The following DSCAM variants were observed in gnomAD, a reference collection of about 807,000 sequenced individuals.
DSCAM encodes the protein cell adhesion molecule DSCAM.
DSCAM carries 47 observed loss-of-function variants against 217.7 expected under a neutral mutation model. The ratio of observed to expected loss-of-function variants is 0.22; its 90% CI spans 0.17 to 0.28. The LOEUF is 0.28. Among genes scored for constraint, DSCAM ranks in the 10% least tolerant of loss-of-function variants. The pLI is 1.00. For synonymous variants in DSCAM, 1,056 were observed against 1,015.3 expected, an observed-to-expected ratio of 1.04 and a Z score of -0.76; for missense variants, 2,080 against 2,618.3, an observed-to-expected ratio of 0.79 and a Z score of 4.49.
rs1423326221 is a variant in DSCAM at position 40,011,175 on chromosome 21, G to A, written c.*1859C>T. On this transcript the variant is annotated 3_prime_UTR_variant, in exon 33 of 33. Coordinates refer to ENST00000400454, the MANE Select transcript of DSCAM (RefSeq NM_001389.5). ...AAAACAGTCTGAGAGTATGCAAACA[G>A]TACACGTCAACACGGATTACATTCT... is the stretch of plus-strand genomic sequence containing the variant. The A allele has an allele frequency of 6.6e-6, 1 of 152,036 alleles. No homozygotes were observed. The highest frequency in any genetic ancestry group is 1.5e-5 in the Non-Finnish European group (1 of 68,016). 9.4% of individuals were successfully genotyped at this position (152,036 alleles called of 1,614,324 possible).
intron 3 of DSCAM, among the ~76,000 whole-genome samples, chr21:40,559,687 C>T (rs1441370544): frequency 6.6e-6 from 1 of 151,776 alleles, no homozygotes; most frequent in Non-Finnish European, 1.5e-5. Context: ...TAGAAGTCAG[C>T]TTATTGCAAC....
intron 1 of DSCAM, among the ~76,000 whole-genome samples, chr21:40,752,746 G>A (rs1302211370): frequency 6.6e-6 from 1 of 151,846 alleles, no homozygotes; most frequent in Non-Finnish European, 1.5e-5. Context: ...GATGTTCAAA[G>A]GAAGCCCTGA....
chr21:40,657,857 C>A (rs1200199710), intron 3 of DSCAM, among the ~76,000 whole-genome samples: 2 of 152,120 alleles, frequency 1.3e-5, no homozygotes, highest in Admixed American at 6.5e-5. Context: ...GAGTAAGGGA[C>A]TGGAGTGAGA....
chr21:40,478,304 C>T (rs893865012), intron 3 of DSCAM, among the ~76,000 whole-genome samples: 4 of 152,136 alleles, frequency 2.6e-5, no homozygotes, highest in African/African-American at 9.7e-5. Context: ...GCCAAGAACA[C>T]TGTATATGCC....
chr21:40,300,768 A>G (rs779831425), intron 9 of DSCAM, among the ~76,000 whole-genome samples: 2 of 152,224 alleles, frequency 1.3e-5, no homozygotes, highest in Non-Finnish European at 2.9e-5. Flanking sequence ...TGAAGAGCTG[A>G]TTAAACCACA....
intron 9 of DSCAM, 148 bp downstream of exon 9, chr21:40,311,933 A>ATTTTTTTT (rs34579385): frequency 1.0e-5 from 2 of 195,384 alleles, no homozygotes; most frequent in Non-Finnish European, 1.7e-5. Context: ...TTAGAGTCGT[A>ATTTTTTTT]TTTTTTTTTT....
At position 40,587,112 on chromosome 21, in the gene DSCAM, C is replaced by T. The variant is rs185407941; in HGVS notation, c.508+105698G>A. ...AAACATACAAAAAAGGCTTTGGGAG[C>T]GAATTAATACGTGTAATAATCTCAT... On this transcript the variant is annotated intron_variant, in intron 3 of 32. Coordinates refer to ENST00000400454, the MANE Select transcript of DSCAM (RefSeq NM_001389.5). Among the ~76,000 whole-genome samples, 508 of 151,790 alleles carry T rather than the reference C, an allele frequency of 3.3e-3. 2 individuals carry two copies. The highest frequency in any genetic ancestry group is 5.3e-3 in the Non-Finnish European group (361 of 67,972).
In DSCAM at chr21:40,422,568, G is replaced by C. The variant is rs370752899; in HGVS notation, c.509-53323C>G. Reference sequence around the variant, plus strand: ...GAGGCAGGAGAATTGCTTGAATTCAGGAGGCGGAGGTTGCAGTGAGCCAAG... The same window carrying C: ...GAGGCAGGAGAATTGCTTGAATTCACGAGGCGGAGGTTGCAGTGAGCCAAG... On this transcript the variant is annotated intron_variant, in intron 3 of 32. Transcript: ENST00000400454. Among the ~76,000 whole-genome samples, 29 of 152,240 alleles carry C rather than the reference G, an allele frequency of 1.9e-4. No homozygotes were observed. In the South Asian group the frequency reaches 6.0e-3, roughly 32 times the overall value.
intron 3 of DSCAM, among the ~76,000 whole-genome samples, chr21:40,534,958 T>C (rs2076483823): frequency 6.6e-6 from 1 of 152,146 alleles, no homozygotes; most frequent in Non-Finnish European, 1.5e-5. Flanking sequence ...GGGTTCCAGC[T>C]TGGGGCAAGA....
chr21:40,535,463 C>G (rs914157189), intron 3 of DSCAM, among the ~76,000 whole-genome samples: 1 of 152,116 alleles, frequency 6.6e-6, no homozygotes, highest in African/African-American at 2.4e-5. Context: ...TCAGCCTTTA[C>G]CAATCAGGAT....
chr21:40,111,689 C>A (rs956828442), intron 20 of DSCAM, among the ~76,000 whole-genome samples: 3 of 152,128 alleles, frequency 2.0e-5, no homozygotes, highest in African/African-American at 7.2e-5. Flanking sequence ...TGCAGAGACA[C>A]ATATAGGCTC....
chr21:40,070,537 AG>A (rs2089280018), intron 27 of DSCAM, among the ~76,000 whole-genome samples: 1 of 152,230 alleles, frequency 6.6e-6, no homozygotes, highest in Admixed American at 6.5e-5. Flanking sequence ...CGAAAGCTCT[AG>A]GGTGCATGTG....
chr21:40,812,704 T>C (rs992274209), intron 1 of DSCAM, among the ~76,000 whole-genome samples: 1 of 152,208 alleles, frequency 6.6e-6, no homozygotes, highest in Admixed American at 6.5e-5. Flanking sequence ...TAGAAAGTTA[T>C]GGGCACACAT....
At chr21:40,359,190 A>G (rs187015015) in intron 4 of DSCAM, among the ~76,000 whole-genome samples, 5 of 152,342 alleles carry the variant, frequency 3.3e-5, no homozygotes, top group Non-Finnish European at 7.3e-5. Flanking sequence ...ATATATACTT[A>G]CATATGCACA....
intron 3 of DSCAM, among the ~76,000 whole-genome samples, chr21:40,616,723 A>C (rs936235616): frequency 6.6e-6 from 1 of 152,268 alleles, no homozygotes; most frequent in East Asian, 1.9e-4. Context: ...CACGGAACTT[A>C]AGAATGGTTA....
chr21:40,028,426 T>TG lies in DSCAM; in HGVS notation c.5686+13944dup, dbSNP rs561471630. On this transcript the variant is annotated intron_variant, in intron 32 of 32. Transcript: ENST00000400454. ...TGTTTACCTAAGCAAGCCTGGGCAATGGCGGGCCCCCCTCCCCCAGCCTGG... is the reference window on the plus strand; with the variant it reads ...TGTTTACCTAAGCAAGCCTGGGCAATGGGCGGGCCCCCCTCCCCCAGCCTGG... Among the ~76,000 whole-genome samples the TG allele has an allele frequency of 4.6e-3, 695 of 150,974 alleles. 15 individuals carry two copies. The highest frequency in any genetic ancestry group is 0.021 in the Admixed American group (324 of 15,184).
At chr21:40,211,016 T>C (rs920217517) in intron 11 of DSCAM, among the ~76,000 whole-genome samples, 17 of 152,230 alleles carry the variant, frequency 1.1e-4, no homozygotes, top group African/African-American at 2.9e-4. Flanking sequence ...CTGTCTGTGT[T>C]TGCACCTGGC....
At chr21:40,536,671 G>A (rs148088289) in intron 3 of DSCAM, among the ~76,000 whole-genome samples, 6,115 of 152,272 alleles carry the variant, frequency 0.04, 239 homozygotes, top group East Asian at 0.2. Context: ...CTCCCAAAGT[G>A]CAGGGATTAC....
chr21:40,813,325 G>T (rs2091854678), intron 1 of DSCAM, among the ~76,000 whole-genome samples: 1 of 152,172 alleles, frequency 6.6e-6, no homozygotes, highest in African/African-American at 2.4e-5. Context: ...AATAACTGTG[G>T]TATATGAAGA....
Sources: gnomAD v4.1 joint callset for allele counts (sites outside exome capture counted in the v4.1 genomes callset) on GRCh38, gnomAD v4.1.1 for gene constraint, MANE v1.5 for transcripts, NCBI Gene and HGNC (gene_info 2026-07-23, HGNC 2026-07-21) for gene names.